Variants in SUGCT observed in about 807,000 individuals in gnomAD.
SUGCT encodes succinyl-CoA:glutarate-CoA transferase.
Under a neutral mutation model 55.0 loss-of-function variants are expected in SUGCT, and 41 were observed. That is an observed-to-expected ratio of 0.74 (90% CI 0.58 to 0.97). The LOEUF is 0.97. SUGCT is among the 50% of genes least tolerant of loss of function. The pLI, the probability that SUGCT is intolerant of heterozygous loss-of-function variation, is 0.00. For synonymous variants in SUGCT, 187 were observed against 200.4 expected (o/e 0.93, Z 0.56); for missense variants, 568 against 547.8 (o/e 1.04, Z -0.37).
At chr7:40,946,227 G>A in the SUGCT span, among the ~76,000 whole-genome samples, 1 of 151,998 alleles carries the variant, frequency 6.6e-6, no homozygotes, top group African/African-American at 2.4e-5. Context: ...ACTACCTAGG[G>A]AAAGTACTCT....
At chr7:40,445,120 G>C (rs898930878) in intron 9 of SUGCT, among the ~76,000 whole-genome samples, 3 of 151,686 alleles carry the variant, frequency 2.0e-5, no homozygotes, top group Non-Finnish European at 4.4e-5. Context: ...GCTTGATTTG[G>C]TGCAGAAGGC....
the SUGCT span, among the ~76,000 whole-genome samples, chr7:40,873,899 G>C: frequency 1.4e-4 from 21 of 152,230 alleles, no homozygotes; most frequent in African/African-American, 5.1e-4. Flanking sequence ...GAATGACTCT[G>C]TAACCTGCTG....
At chr7:40,373,045 T>C (rs1288006980) in intron 9 of SUGCT, among the ~76,000 whole-genome samples, 4 of 151,974 alleles carry the variant, frequency 2.6e-5, no homozygotes, top group African/African-American at 7.2e-5. Flanking sequence ...CTTAATTGTG[T>C]ATCATAGTAG....
At chr7:40,229,210 A>G (rs1286807942) in intron 6 of SUGCT, among the ~76,000 whole-genome samples, 1 of 152,170 alleles carries the variant, frequency 6.6e-6, no homozygotes, top group Admixed American at 6.5e-5. Context: ...TGGATGGATA[A>G]GAAAATAAAT....
the SUGCT span, among the ~76,000 whole-genome samples, chr7:41,034,245 G>T: frequency 6.6e-6 from 1 of 152,202 alleles, no homozygotes; most frequent in Non-Finnish European, 1.5e-5. Context: ...GCGTATGTGT[G>T]TGTGCTCATG....
At chr7:40,976,914 T>C in the SUGCT span, among the ~76,000 whole-genome samples, 1 of 152,222 alleles carries the variant, frequency 6.6e-6, no homozygotes, top group Admixed American at 6.5e-5. Flanking sequence ...TGCACCCTCT[T>C]TCCTTGGTAG....
chr7:40,184,306 G>T (rs1355614731), intron 3 of SUGCT, among the ~76,000 whole-genome samples: 1 of 151,666 alleles, frequency 6.6e-6, no homozygotes, highest in Admixed American at 6.6e-5. Flanking sequence ...TTTGAGACAG[G>T]TCTCACTCTG....
At chr7:40,602,211 C>A (rs531006464) in intron 12 of SUGCT, among the ~76,000 whole-genome samples, 1 of 152,282 alleles carries the variant, frequency 6.6e-6, no homozygotes, top group South Asian at 2.1e-4. Flanking sequence ...AACCAACCAA[C>A]CAACCCCCAA....
intron 9 of SUGCT, among the ~76,000 whole-genome samples, chr7:40,373,815 G>A (rs906475358): frequency 3.3e-5 from 5 of 152,118 alleles, no homozygotes; most frequent in African/African-American, 1.2e-4. Flanking sequence ...AATAACAGGA[G>A]TGATAGAAAT....
At chr7:40,847,191 T>G (rs1793599918) in intron 13 of SUGCT, among the ~76,000 whole-genome samples, 1 of 152,128 alleles carries the variant, frequency 6.6e-6, no homozygotes, top group South Asian at 2.1e-4. Flanking sequence ...ATAGGCTAGT[T>G]TGTGGTGGGA....
chr7:40,496,367 A>G lies in SUGCT; in HGVS notation c.1070A>G (p.Asn357Ser). The change falls in exon 12 of 14, where the codon AAT becomes AGT. Residue 357 changes from asparagine (N) to serine (S), a missense_variant. By Grantham distance (46) the Asn-to-Ser change is conservative. Transcript: ENST00000335693. ...VPYGPINNMK[N>S]VFAEPQVLHN... The stretch of plus-strand genomic sequence containing the variant: ...TATGGCCCAATCAACAACATGAAGA[A>G]TGTATTTGCAGAACCTCAGGTTTGT... 1.2e-6 allele frequency: 2 copies of G among 1,612,016 alleles called. No homozygotes were observed. Among genetic ancestry groups the G allele is most frequent in the East Asian group, 2.2e-5 (1 of 44,776 alleles).
Position 40,679,605 on chromosome 7 carries a change from T to C in SUGCT, c.1090-69829T>C, listed in dbSNP as rs192791239. On this transcript the variant is annotated intron_variant, in intron 12 of 13. Coordinates refer to ENST00000335693, the MANE Select transcript of SUGCT (RefSeq NM_001193313.2). ...CTTTCCCACTTTGCTGCTGTTCTGC[T>C]GGCTGGATGCAGAGAATACCTTTTC... Among the ~76,000 whole-genome samples the C allele has an allele frequency of 2.6e-3, 392 of 152,262 alleles. 2 individuals are homozygous for C. The highest frequency in any genetic ancestry group is 8.7e-3 in the African/African-American group (362 of 41,550).
chr7:40,185,063 A>G (rs1785423382), intron 3 of SUGCT, among the ~76,000 whole-genome samples: 1 of 152,212 alleles, frequency 6.6e-6, no homozygotes, highest in South Asian at 2.1e-4. Flanking sequence ...AGTCTTAGGC[A>G]GTAGAAGTGC....
At chr7:40,436,659 G>C (rs775666506) in intron 9 of SUGCT, among the ~76,000 whole-genome samples, 9 of 152,108 alleles carry the variant, frequency 5.9e-5, no homozygotes, top group Non-Finnish European at 1.3e-4. Flanking sequence ...AGATGGTACA[G>C]AACTGTGATT....
intron 12 of SUGCT, among the ~76,000 whole-genome samples, chr7:40,723,414 C>T (rs538394529): frequency 2.0e-5 from 3 of 152,216 alleles, no homozygotes; most frequent in African/African-American, 4.8e-5. Flanking sequence ...CCCTTTCCAG[C>T]GGGTGTAGGG....
At chr7:40,989,872 T>G in the SUGCT span, among the ~76,000 whole-genome samples, 1 of 152,174 alleles carries the variant, frequency 6.6e-6, no homozygotes, top group African/African-American at 2.4e-5. Flanking sequence ...TATTTCCAAT[T>G]CTAGTTATCT....
At chr7:40,148,238 G>C (rs1042102934) in intron 1 of SUGCT, among the ~76,000 whole-genome samples, 3 of 152,076 alleles carry the variant, frequency 2.0e-5, no homozygotes, top group African/African-American at 7.2e-5. Context: ...AAAAGTAGAA[G>C]GCAAAGAATT....
intron 12 of SUGCT, among the ~76,000 whole-genome samples, chr7:40,685,317 C>G (rs1377330772): frequency 6.6e-6 from 1 of 152,120 alleles, no homozygotes; most frequent in Non-Finnish European, 1.5e-5. Context: ...TATAATCTAC[C>G]TAAAGATATT....
At chr7:40,156,788 G>C (rs1275495377) in intron 1 of SUGCT, among the ~76,000 whole-genome samples, 2 of 152,078 alleles carry the variant, frequency 1.3e-5, no homozygotes, top group Non-Finnish European at 2.9e-5. Flanking sequence ...GCTGGACATG[G>C]TGGTTTACTT....
Sources: gnomAD v4.1 joint callset for allele counts (sites outside exome capture counted in the v4.1 genomes callset) on GRCh38, gnomAD v4.1.1 for gene constraint, MANE v1.5 for transcripts, NCBI Gene and HGNC (gene_info 2026-07-23, HGNC 2026-07-21) for gene names.